OTULINL: variants seen among roughly 807,000 people sequenced by gnomAD.
The protein encoded by OTULINL is OTU deubiquitinase with linear linkage specificity like, also known as inactive ubiquitin thioesterase OTULINL.
Under a neutral mutation model 43.9 loss-of-function variants are expected in OTULINL, and 42 were observed. The ratio of observed to expected loss-of-function variants is 0.96; its 90% CI spans 0.75 to 1.24. The LOEUF (loss-of-function observed/expected upper bound fraction) is 1.24, where lower values mean the gene tolerates loss of function less well. Among genes scored for constraint, OTULINL ranks in the 50% most tolerant of loss-of-function variants. OTULINL has a pLI of 0.00. For missense variants in OTULINL, 411 were observed against 426.4 expected (o/e 0.96, Z 0.32); for synonymous variants, 172 against 153.6 (o/e 1.12, Z -0.88).
intron 1 of OTULINL, among the ~76,000 whole-genome samples, chr5:14,585,485 T>A (rs1405197329): frequency 6.6e-6 from 1 of 152,168 alleles, no homozygotes; most frequent in Non-Finnish European, 1.5e-5. Context: ...TGGGTATAAT[T>A]ATTAACTTGA....
At position 14,581,804 on chromosome 5, in the gene OTULINL, C is replaced by G. The variant is rs889938734; in HGVS notation, c.-91C>G. 9.1e-7 allele frequency: 1 copy of G among 1,097,238 alleles called. No individual in the cohort carries two copies. Among genetic ancestry groups the G allele is most frequent in the East Asian group, 3.5e-5 (1 of 28,646 alleles). The allele number at this position is 1,097,238 out of a possible 1,614,324, so 68.0% of individuals were successfully genotyped here. ...CCCTCCCCAGCCCGCCTCAGGGAAG[C>G]GAGCCCGGGCGCCGGCGGGCGGCCG... is the stretch of plus-strand genomic sequence containing the variant. On this transcript the variant is annotated 5_prime_UTR_variant, in exon 1 of 8. Transcript: ENST00000274217.
At chr5:14,595,515 G>T (rs1759270235) in intron 1 of OTULINL, among the ~76,000 whole-genome samples, 1 of 151,708 alleles carries the variant, frequency 6.6e-6, no homozygotes, top group Admixed American at 6.6e-5. Flanking sequence ...TTGTTTTCAG[G>T]GTTTTGGGGT....
intron 1 of OTULINL, among the ~76,000 whole-genome samples, chr5:14,598,801 C>T (rs116349515): frequency 2.1e-3 from 324 of 152,228 alleles, no homozygotes; most frequent in Middle Eastern, 6.8e-3. Flanking sequence ...TTTATGTGTG[C>T]TGATATGAAA....
chr5:14,588,000 A>G (rs1484679586), intron 1 of OTULINL, among the ~76,000 whole-genome samples: 1 of 152,032 alleles, frequency 6.6e-6, no homozygotes, highest in Non-Finnish European at 1.5e-5. Flanking sequence ...AAGGCTCTTT[A>G]TTAGAACTAG....
Position 14,581,908 on chromosome 5 carries a change from G to A in OTULINL, c.14G>A (p.Arg5Lys), listed in dbSNP as rs1219380851. 2.8e-6 allele frequency: 4 copies of A among 1,413,184 alleles called. No homozygotes were observed. Among genetic ancestry groups the A allele is most frequent in the Non-Finnish European group, 1.8e-6 (2 of 1,083,418 alleles). The allele number at this position is 1,413,184 out of a possible 1,614,324, so 87.5% of individuals were successfully genotyped here. MAAT[R>K]SPTRARERER... Reference sequence around the variant, plus strand: ...AGCGCGGCCGGCATGGCGGCGACAAGGAGCCCCACGCGGGCAAGGGAGCGG... The same window carrying A: ...AGCGCGGCCGGCATGGCGGCGACAAAGAGCCCCACGCGGGCAAGGGAGCGG... Residue 5 changes from arginine to lysine, a missense_variant, in exon 1 of 8, where the codon AGG becomes AAG. Arg to Lys is a conservative substitution (Grantham distance 26). Transcript: ENST00000274217.
chr5:14,594,139 G>T (rs182030278), intron 1 of OTULINL, among the ~76,000 whole-genome samples: 83 of 152,236 alleles, frequency 5.5e-4, no homozygotes, highest in African/African-American at 2.0e-3. Flanking sequence ...GTAACTGGTA[G>T]AAAAACAACC....
chr5:14,584,275 C>T (rs1759067550), intron 1 of OTULINL, among the ~76,000 whole-genome samples: 1 of 152,172 alleles, frequency 6.6e-6, no homozygotes, highest in Non-Finnish European at 1.5e-5. Flanking sequence ...CACCACTGTC[C>T]ATCTGTTCAG....
chr5:14,608,898 A>T lies in OTULINL; in HGVS notation c.778A>T (p.Thr260Ser). 6.2e-7 allele frequency: 1 copy of T among 1,614,178 alleles called. No homozygotes were observed. Among genetic ancestry groups the T allele is most frequent in the Non-Finnish European group, 8.5e-7 (1 of 1,180,016 alleles). ...QVTEVYEQMK[T>S]KKVIPSLFRL... The stretch of plus-strand genomic sequence containing the variant: ...CACTGAAGTTTATGAACAAATGAAG[A>T]CTAAAAAGGTCATTCCCAGTCTTTT... The change falls in exon 7 of 8, where the codon ACT becomes TCT. Residue 260 changes from threonine (T) to serine (S), a missense_variant. Thr to Ser is a moderately conservative substitution (Grantham distance 58). Transcript: ENST00000274217.
chr5:14,592,615 T>A (rs546554625), intron 1 of OTULINL, among the ~76,000 whole-genome samples: 1 of 152,352 alleles, frequency 6.6e-6, no homozygotes, highest in African/African-American at 2.4e-5. Flanking sequence ...GTGGACATAT[T>A]GCTGAGGGAG....
At position 14,614,423 on chromosome 5, in the gene OTULINL, C is replaced by A. The variant is rs1157975723; in HGVS notation, c.*4109C>A. On this transcript the variant is annotated 3_prime_UTR_variant, in exon 8 of 8. Coordinates refer to ENST00000274217, the MANE Select transcript of OTULINL (RefSeq NM_019018.3). ...TCACAATGTCCATTTTACAGCTAGA[C>A]ACAAAATTTAGTGGGTCCAAATTGT... is the stretch of plus-strand genomic sequence containing the variant. 2.5e-6 allele frequency: 1 copy of A among 395,638 alleles called. No individual in the cohort carries two copies. Among genetic ancestry groups the A allele is most frequent in the African/African-American group, 2.1e-5 (1 of 48,578 alleles). 24.5% of individuals were successfully genotyped at this position (395,638 alleles called of 1,614,324 possible).
At chr5:14,600,867 T>G (rs1186118846) in intron 1 of OTULINL, 98 bp from the exon 2 acceptor site, 1 of 1,074,416 alleles carries the variant, frequency 9.3e-7, no homozygotes, top group African/African-American at 1.6e-5. Context: ...ACTTTGCAGG[T>G]AAAATTATGC....
chr5:14,609,161 G>A (rs1759531054), intron 7 of OTULINL, 144 bp downstream of exon 7: 1 of 836,228 alleles, frequency 1.2e-6, no homozygotes, highest in Admixed American at 2.4e-5. Flanking sequence ...CCTCAAATGA[G>A]GAAAAGAAGA....
chr5:14,604,879 C>A lies in OTULINL; in HGVS notation c.499-2451C>A, dbSNP rs370398006. ...GTACAGCCTCCCTCCTGGCTGCTTT[C>A]ACAGGCTAGTGTCAAGTGCCTGTGG... On this transcript the variant is annotated intron_variant, in intron 5 of 7. Coordinates refer to ENST00000274217, the MANE Select transcript of OTULINL (RefSeq NM_019018.3). 7.9e-5 allele frequency among the ~76,000 whole-genome samples: 12 copies of A among 152,338 alleles called. No individual in the cohort carries two copies. In the East Asian group the frequency reaches 1.2e-3, roughly 15 times the overall value.
In OTULINL at chr5:14,612,193, T is replaced by C. The variant is rs1157752495; in HGVS notation, c.*1879T>C. On this transcript the variant is annotated 3_prime_UTR_variant, in exon 8 of 8. Coordinates refer to ENST00000274217, the MANE Select transcript of OTULINL (RefSeq NM_019018.3). Reference sequence around the variant, plus strand: ...CCAAGAAAGCATGAACGTTACCCTTTCTGGTGACAGCCTGCCATGGGCTGC... The same window carrying C: ...CCAAGAAAGCATGAACGTTACCCTTCCTGGTGACAGCCTGCCATGGGCTGC... 6.6e-6 allele frequency: 1 copy of C among 152,242 alleles called. No homozygotes were observed. Among genetic ancestry groups the C allele is most frequent in the East Asian group, 1.9e-4 (1 of 5,204 alleles). 9.4% of individuals were successfully genotyped at this position (152,242 alleles called of 1,614,324 possible). A position where few individuals can be genotyped will look rare whatever the true frequency, so the allele number is the denominator to read the frequency against.
At position 14,608,803 on chromosome 5, in the gene OTULINL, C is replaced by T; in HGVS notation, c.683C>T (p.Thr228Ile). ...CACAAGAGAGGAAGTATGTGCAACA[C>T]CCTTTTTTCAGATGCCATTCTGGAA... ...DYHKRGSMCN[T>I]LFSDAILEYK... The change falls in exon 7 of 8, where the codon ACC (threonine) becomes ATC (isoleucine). Residue 228 changes from threonine (T) to isoleucine (I), a missense_variant. By Grantham distance (89) the Thr-to-Ile change is moderately conservative. Coordinates refer to ENST00000274217, the MANE Select transcript of OTULINL (RefSeq NM_019018.3). The T allele has an allele frequency of 6.2e-7, 1 of 1,613,456 alleles. No homozygotes were observed. Among genetic ancestry groups the T allele is most frequent in the Non-Finnish European group, 8.5e-7 (1 of 1,179,474 alleles).
rs372652384 is a variant in OTULINL, at chr5:14,598,546, G to A, written c.65-2419G>A. 4.9e-4 allele frequency among the ~76,000 whole-genome samples: 75 copies of A among 152,306 alleles called. 1 individual carries two copies. The highest frequency in any genetic ancestry group is 1.7e-3 in the African/African-American group (71 of 41,562). On this transcript the variant is annotated intron_variant, in intron 1 of 7. Transcript: ENST00000274217. ...CTGTTAGAAAAGCATATTTGCCACA[G>A]CATTGTTTGTAAAAGTGAGAAATGG...
chr5:14,607,722 G>A (rs1759507380), intron 6 of OTULINL, among the ~76,000 whole-genome samples: 1 of 152,122 alleles, frequency 6.6e-6, no homozygotes, highest in Non-Finnish European at 1.5e-5. Flanking sequence ...TACCAATCAT[G>A]TACCTTTGTT....
At chr5:14,600,248 A>G (rs540975762) in intron 1 of OTULINL, among the ~76,000 whole-genome samples, 2 of 152,166 alleles carry the variant, frequency 1.3e-5, no homozygotes, top group Admixed American at 6.5e-5. Context: ...CTGCTGCCAT[A>G]TGAAGAAGGA....
In OTULINL at chr5:14,591,018, G is replaced by A. The variant is rs576366250; in HGVS notation, c.64+9060G>A. ...GCTGTGGAGTAGAAAACAGAACTGG[G>A]GAAGGGAGACCAATCAAAAGGATTA... On this transcript the variant is annotated intron_variant, in intron 1 of 7. Transcript: ENST00000274217. Among the ~76,000 whole-genome samples, 3 of 152,266 alleles carry A rather than the reference G, an allele frequency of 2.0e-5. No individual in the cohort carries two copies. The South Asian group carries it at 6.2e-4, about 32-fold the overall frequency.
Sources: gnomAD v4.1 joint callset for allele counts (sites outside exome capture counted in the v4.1 genomes callset) on GRCh38, gnomAD v4.1.1 for gene constraint, MANE v1.5 for transcripts, NCBI Gene and HGNC (gene_info 2026-07-23, HGNC 2026-07-21) for gene names.